Variants in ULK4 observed in about 807,000 individuals in gnomAD.
The protein encoded by ULK4 is inactive serine/threonine-protein kinase ULK4.
In ULK4, 133 loss-of-function variants were observed where a neutral mutation model predicts 160.6. That is an observed-to-expected ratio of 0.83 (90% CI 0.72 to 0.96). The LOEUF is 0.96. Among genes scored for constraint, ULK4 ranks in the 40% least tolerant of loss-of-function variants. The pLI, the probability that ULK4 is intolerant of heterozygous loss-of-function variation, is 0.00. For synonymous variants in ULK4, 534 were observed against 539.8 expected, an observed-to-expected ratio of 0.99 and a Z score of 0.15; for missense variants, 1,580 against 1,499.5, an observed-to-expected ratio of 1.05 and a Z score of -0.89.
At chr3:41,928,946 T>A (rs1699484642) in intron 5 of ULK4, among the ~76,000 whole-genome samples, 1 of 151,948 alleles carries the variant, frequency 6.6e-6, no homozygotes, top group Admixed American at 6.6e-5. Flanking sequence ...CTGAAACTAT[T>A]ACAAACAATA....
chr3:41,249,639 TGGG>T, intron 35 of ULK4, 65 bp from the exon 36 acceptor site: 1 of 1,509,766 alleles, frequency 6.6e-7, no homozygotes, highest in Non-Finnish European at 9.1e-7. Context: ...CCCTGTTGGA[TGGG>T]CACCCTGAGT....
chr3:41,261,201 T>TA (rs148153019), intron 35 of ULK4, among the ~76,000 whole-genome samples: 34,503 of 152,012 alleles, frequency 0.23, 7,053 homozygotes, highest in African/African-American at 0.54. Flanking sequence ...AGCCTTGGAG[T>TA]AAAACGGCTT....
At chr3:41,663,533 A>T in intron 30 of ULK4, 74 bp downstream of exon 30, 1 of 1,366,090 alleles carries the variant, frequency 7.3e-7, no homozygotes, top group Non-Finnish European at 1.0e-6. Flanking sequence ...TCTCATCTTT[A>T]ATAACATTTT....
chr3:41,530,477 G>A (rs1055683540), intron 32 of ULK4, among the ~76,000 whole-genome samples: 11 of 152,234 alleles, frequency 7.2e-5, no homozygotes, highest in Non-Finnish European at 8.8e-5. Context: ...GGATTAGTAG[G>A]ACTTCATCTA....
At chr3:41,706,436 A>G (rs2036890691) in intron 25 of ULK4, among the ~76,000 whole-genome samples, 1 of 146,892 alleles carries the variant, frequency 6.8e-6, no homozygotes, top group African/African-American at 2.5e-5. Context: ...AAAATAACAT[A>G]TATTATTTTA....
At chr3:41,308,455 A>T (rs2079990034) in intron 35 of ULK4, among the ~76,000 whole-genome samples, 1 of 152,086 alleles carries the variant, frequency 6.6e-6, no homozygotes, top group South Asian at 2.1e-4. Flanking sequence ...GATTAAGTTG[A>T]TTATAGGTAT....
chr3:41,700,562 T>C (rs995635234), intron 27 of ULK4, among the ~76,000 whole-genome samples: 2 of 152,146 alleles, frequency 1.3e-5, no homozygotes, highest in African/African-American at 2.4e-5. Flanking sequence ...ACTGTCCCAA[T>C]TGGCAGAGCC....
rs560284136 is a variant in ULK4 at position 41,770,510 on chromosome 3, CT to C, written c.2194-16023del. 7.1e-3 allele frequency among the ~76,000 whole-genome samples: 958 copies of C among 135,436 alleles called. 1 individual carries two copies. The highest frequency in any genetic ancestry group is 0.016 in the African/African-American group (576 of 35,608). The allele number at this position is 135,436 out of a possible 152,430, so 88.9% of individuals were successfully genotyped here. On this transcript the variant is annotated intron_variant, in intron 21 of 36. Transcript: ENST00000301831. ...TATACATTGATTTTATAGAAAGATA[CT>C]TTTTTTTTTTTTTTTTGAGACAGAG...
At chr3:41,736,765 C>T (rs1229538572) in intron 22 of ULK4, among the ~76,000 whole-genome samples, 1 of 151,068 alleles carries the variant, frequency 6.6e-6, no homozygotes, top group Non-Finnish European at 1.5e-5. Context: ...GAAGTCCTTG[C>T]CCATGCCTAT....
At chr3:41,705,724 A>G (rs2036854469) in intron 25 of ULK4, among the ~76,000 whole-genome samples, 1 of 152,052 alleles carries the variant, frequency 6.6e-6, no homozygotes, top group African/African-American at 2.4e-5. Flanking sequence ...CAAACTCCCG[A>G]CCTCAGGTGG....
intron 16 of ULK4, among the ~76,000 whole-genome samples, chr3:41,891,355 G>GAGGGAGGGAGGCAGGC (rs1697955621): frequency 7.5e-6 from 1 of 133,060 alleles, no homozygotes; most frequent in Non-Finnish European, 1.6e-5. Flanking sequence ...GGGAGGGAGG[G>GAGGGAGGGAGGCAGGC]AGGGAGGGAG....
At chr3:41,267,370 T>C (rs2079059998) in intron 35 of ULK4, among the ~76,000 whole-genome samples, 1 of 152,182 alleles carries the variant, frequency 6.6e-6, no homozygotes, top group Non-Finnish European at 1.5e-5. Flanking sequence ...TGCATAGTAC[T>C]CCATGGTGTA....
chr3:41,291,883 C>T (rs4973873), intron 35 of ULK4, among the ~76,000 whole-genome samples: 72,490 of 149,466 alleles, frequency 0.48, 18,240 homozygotes, highest in African/African-American at 0.61. Context: ...CAGGCTGGAG[C>T]GCAGTGGCGC....
chr3:41,864,135 T>C (rs1716680), intron 17 of ULK4, among the ~76,000 whole-genome samples: 1 of 151,738 alleles, frequency 6.6e-6, no homozygotes, highest in Non-Finnish European at 1.5e-5. Context: ...TTGGGATGAG[T>C]GACTCCCCTT....
intron 1 of ULK4, 83 bp from the exon 2 acceptor site, chr3:41,954,890 A>G (rs1015493339): frequency 1.2e-6 from 1 of 861,826 alleles, no homozygotes; most frequent in South Asian, 2.3e-5. Flanking sequence ...CTAGGATATT[A>G]TATGTGTAAA....
chr3:41,336,005 T>C (rs925966326), intron 35 of ULK4, among the ~76,000 whole-genome samples: 2 of 152,146 alleles, frequency 1.3e-5, no homozygotes, highest in African/African-American at 2.4e-5. Context: ...AATACAGGGA[T>C]ATTCAGAGGA....
chr3:41,587,984 A>G (rs920659824), intron 31 of ULK4, among the ~76,000 whole-genome samples: 14 of 152,246 alleles, frequency 9.2e-5, no homozygotes, highest in African/African-American at 3.4e-4. Context: ...TAGTTTAAAT[A>G]CAGCTTAAGT....
intron 18 of ULK4, among the ~76,000 whole-genome samples, chr3:41,821,383 G>T (rs1402068152): frequency 1.3e-5 from 2 of 152,044 alleles, no homozygotes; most frequent in Non-Finnish European, 2.9e-5. Flanking sequence ...CCCTGAAAAG[G>T]CTATTTTAAA....
intron 30 of ULK4, among the ~76,000 whole-genome samples, chr3:41,635,257 G>A (rs2033901498): frequency 6.6e-6 from 1 of 152,104 alleles, no homozygotes; most frequent in Non-Finnish European, 1.5e-5. Flanking sequence ...TGAAACCATT[G>A]AAAAGGCTAT....
Sources: gnomAD v4.1 joint callset for allele counts (sites outside exome capture counted in the v4.1 genomes callset) on GRCh38, gnomAD v4.1.1 for gene constraint, MANE v1.5 for transcripts, NCBI Gene and HGNC (gene_info 2026-07-23, HGNC 2026-07-21) for gene names.